RANBP2: variants seen among roughly 807,000 people sequenced by gnomAD.
RANBP2 encodes the protein RAN binding protein 2.
Under a neutral mutation model 303.6 loss-of-function variants are expected in RANBP2, and 57 were observed. The observed-to-expected ratio is 0.19, with a 90% confidence interval of 0.15 to 0.23. The LOEUF (loss-of-function observed/expected upper bound fraction) is 0.23, where lower values mean the gene tolerates loss of function less well. Among genes scored for constraint, RANBP2 ranks in the 10% least tolerant of loss-of-function variants. The probability of loss-of-function intolerance (pLI) is 1.00; values close to 1 mark genes in which losing one functional copy is unlikely to be tolerated. For missense variants in RANBP2, 3,138 were observed against 3,780.8 expected (o/e 0.83, Z 4.46); for synonymous variants, 1,167 against 1,301.5 (o/e 0.90, Z 2.23).
At chr2:109,249,523 C>CTTTCTT in the RANBP2 span, among the ~76,000 whole-genome samples, 670 of 107,152 alleles carry the variant, frequency 6.3e-3, 3 homozygotes, top group Middle Eastern at 9.4e-3. Flanking sequence ...CTTTCTTTTT[C>CTTTCTT]TTTCTTTCTT....
chr2:109,129,249 C>G, the RANBP2 span: 3 of 579,708 alleles, frequency 5.2e-6, no homozygotes, highest in South Asian at 1.8e-5. Flanking sequence ...CCCGGTCCCC[C>G]GCGCGGGGCG....
the RANBP2 span, among the ~76,000 whole-genome samples, chr2:109,702,896 T>C: frequency 6.6e-6 from 1 of 151,948 alleles, no homozygotes; most frequent in Non-Finnish European, 1.5e-5. Context: ...GACCTGTTCA[T>C]TCCCAGACCT....
chr2:109,246,949 G>A, the RANBP2 span, among the ~76,000 whole-genome samples: 3,684 of 152,288 alleles, frequency 0.024, 138 homozygotes, highest in African/African-American at 0.083. Flanking sequence ...TTGAGGAGGC[G>A]TTCCCAGAGC....
At chr2:109,528,845 C>A in the RANBP2 span, among the ~76,000 whole-genome samples, 1 of 152,200 alleles carries the variant, frequency 6.6e-6, no homozygotes, top group South Asian at 2.1e-4. Context: ...GATGTGGTCA[C>A]AGGGTCCTTG....
At chr2:109,363,747 G>A in the RANBP2 span, among the ~76,000 whole-genome samples, 1 of 152,008 alleles carries the variant, frequency 6.6e-6, no homozygotes, top group African/African-American at 2.4e-5. Context: ...ATTCTAGGTT[G>A]GTAGGTTTTT....
the RANBP2 span, among the ~76,000 whole-genome samples, chr2:109,213,336 G>A: frequency 1.3e-5 from 2 of 152,160 alleles, no homozygotes; most frequent in Admixed American, 6.5e-5. Flanking sequence ...AACGCAGCCC[G>A]GGCATCTTGT....
the RANBP2 span, among the ~76,000 whole-genome samples, chr2:109,390,076 G>A: frequency 5.3e-5 from 8 of 152,154 alleles, no homozygotes; most frequent in South Asian, 2.1e-4. Flanking sequence ...ACACCCCACC[G>A]GAGGGACTCG....
the RANBP2 span, among the ~76,000 whole-genome samples, chr2:109,688,041 A>G: frequency 6.6e-6 from 1 of 152,108 alleles, no homozygotes; most frequent in East Asian, 1.9e-4. Flanking sequence ...TGGGTGGGAG[A>G]GGGTGGTAAG....
chr2:109,599,196 A>G, the RANBP2 span, among the ~76,000 whole-genome samples: 1 of 151,998 alleles, frequency 6.6e-6, no homozygotes, highest in African/African-American at 2.4e-5. Context: ...GGTGGCTCAC[A>G]CCTGTAACCC....
At chr2:109,432,360 G>C in the RANBP2 span, 11 of 1,094,488 alleles carry the variant, frequency 1.0e-5, no homozygotes, top group East Asian at 7.8e-5. Context: ...TGAGGCCTCT[G>C]TAAACTGCAG....
the RANBP2 span, among the ~76,000 whole-genome samples, chr2:109,151,811 C>T: frequency 2.0e-5 from 3 of 152,360 alleles, no homozygotes; most frequent in African/African-American, 7.2e-5. Context: ...AATAGATTTG[C>T]ATCTGCAAAT....
intron 1 of RANBP2, among the ~76,000 whole-genome samples, chr2:108,720,991 G>T (rs1694193517): frequency 6.6e-6 from 1 of 152,198 alleles, no homozygotes; most frequent in South Asian, 2.1e-4. Context: ...GGAGGTTCCA[G>T]TGAGCCGAGA....
At chr2:109,726,056 T>TGGG in the RANBP2 span, among the ~76,000 whole-genome samples, 1 of 126,962 alleles carries the variant, frequency 7.9e-6, no homozygotes, top group Non-Finnish European at 1.7e-5. Context: ...GTTTTTGCTT[T>TGGG]TGGTGTGTGT....
At chr2:108,975,140 G>A in the RANBP2 span, among the ~76,000 whole-genome samples, 1 of 152,216 alleles carries the variant, frequency 6.6e-6, no homozygotes, top group Non-Finnish European at 1.5e-5. Context: ...GTGCTGGGCA[G>A]GGTCCAAAGG....
chr2:108,930,014 T>C, the RANBP2 span: 1 of 1,391,042 alleles, frequency 7.2e-7, no homozygotes, highest in Non-Finnish European at 9.7e-7. Context: ...TGGTTTGATA[T>C]ACCCTGGCAT....
intron 28 of RANBP2, 54 bp downstream of exon 28, chr2:108,782,916 T>A: frequency 6.9e-7 from 1 of 1,458,592 alleles, no homozygotes; most frequent in Non-Finnish European, 9.5e-7. Flanking sequence ...TGCACCACAC[T>A]AATGGGAAAT....
the RANBP2 span, among the ~76,000 whole-genome samples, chr2:109,446,214 A>G: frequency 6.6e-6 from 1 of 152,182 alleles, no homozygotes; most frequent in African/African-American, 2.4e-5. Context: ...TTCTCACGCT[A>G]CAGTTTTTCT....
the RANBP2 span, among the ~76,000 whole-genome samples, chr2:109,213,763 C>T: frequency 2.0e-5 from 3 of 152,146 alleles, no homozygotes; most frequent in African/African-American, 4.8e-5. Context: ...TAAATAGGAA[C>T]GTGACGTGGT....
chr2:109,681,909 G>A, the RANBP2 span, among the ~76,000 whole-genome samples: 3 of 152,234 alleles, frequency 2.0e-5, no homozygotes, highest in African/African-American at 7.2e-5. Context: ...TAGAGAGGTG[G>A]CCTCTCTTCC....
Sources: allele counts gnomAD v4.1 joint callset (sites outside exome capture counted in the v4.1 genomes callset), GRCh38; gene constraint gnomAD v4.1.1; transcripts MANE v1.5; gene names NCBI Gene and HGNC (gene_info 2026-07-23, HGNC 2026-07-21).